F13A1: variants seen among roughly 807,000 people sequenced by gnomAD.
F13A1 encodes the protein coagulation factor XIII A chain.
Under a neutral mutation model 80.1 loss-of-function variants are expected in F13A1, and 47 were observed. That is an observed-to-expected ratio of 0.59 (90% CI 0.46 to 0.75). F13A1 has a LOEUF of 0.75. F13A1 is among the 30% of genes least tolerant of loss of function. F13A1 has a pLI of 0.00. For missense variants in F13A1, 817 were observed against 930.4 expected, an observed-to-expected ratio of 0.88 and a Z score of 1.59; for synonymous variants, 349 against 344.9, an observed-to-expected ratio of 1.01 and a Z score of -0.13.
At chr6:6,178,050 G>T (rs891781224) in intron 11 of F13A1, among the ~76,000 whole-genome samples, 9 of 136,584 alleles carry the variant, frequency 6.6e-5, no homozygotes, top group South Asian at 5.4e-4. Flanking sequence ...GGAGAGGGGG[G>T]GGGGGGTGGG....
intron 10 of F13A1, among the ~76,000 whole-genome samples, chr6:6,184,818 G>A (rs1761049885): frequency 6.6e-6 from 1 of 152,158 alleles, no homozygotes; most frequent in East Asian, 1.9e-4. Context: ...ACTGTCCTTT[G>A]CGGAGAGAGG....
chr6:6,183,627 A>C (rs533992262), intron 10 of F13A1, among the ~76,000 whole-genome samples: 27 of 152,334 alleles, frequency 1.8e-4, no homozygotes, highest in African/African-American at 5.3e-4. Context: ...GCCCTGCAAT[A>C]CAGTGCGATA....
intron 4 of F13A1, among the ~76,000 whole-genome samples, chr6:6,257,272 G>A (rs1045829654): frequency 6.6e-6 from 1 of 152,170 alleles, no homozygotes; most frequent in Non-Finnish European, 1.5e-5. Context: ...AACAGGCTGT[G>A]TGTGCTGTGG....
chr6:6,149,320 C>T (rs1760332997), intron 14 of F13A1, among the ~76,000 whole-genome samples: 1 of 152,048 alleles, frequency 6.6e-6, no homozygotes, highest in Non-Finnish European at 1.5e-5. Flanking sequence ...CATCAAATTG[C>T]CCCACATAAA....
At position 6,199,396 on chromosome 6, in the gene F13A1, A is replaced by G. The variant is rs368293124; in HGVS notation, c.1113-2070T>C. Among the ~76,000 whole-genome samples the G allele has an allele frequency of 5.9e-5, 9 of 152,054 alleles. No homozygotes were observed. The East Asian group carries it at 7.7e-4, about 13-fold the overall frequency. ...TCCCAGCTACTCGGGAGGCTGAGGC[A>G]GGAGAATGGCGTGAACCCGGGAGGC... is the stretch of plus-strand genomic sequence containing the variant. On this transcript the variant is annotated intron_variant, in intron 8 of 14. Transcript: ENST00000264870.
At chr6:6,178,422 CATTCTT>C (rs1156937409) in intron 11 of F13A1, among the ~76,000 whole-genome samples, 1 of 152,142 alleles carries the variant, frequency 6.6e-6, no homozygotes, top group Non-Finnish European at 1.5e-5. Flanking sequence ...TTGCTTAACT[CATTCTT>C]AAGTAGCTAA....
At chr6:6,273,093 A>G (rs1358799156) in intron 3 of F13A1, among the ~76,000 whole-genome samples, 1 of 152,182 alleles carries the variant, frequency 6.6e-6, no homozygotes, top group East Asian at 1.9e-4. Context: ...TCCTTCCTGC[A>G]TGAGATCCAA....
intron 8 of F13A1, among the ~76,000 whole-genome samples, chr6:6,200,704 C>T (rs1489911933): frequency 6.6e-6 from 1 of 152,028 alleles, no homozygotes; most frequent in Non-Finnish European, 1.5e-5. Flanking sequence ...AAGGTAGAGA[C>T]AGTGGGAATA....
chr6:6,292,746 G>T (rs75853124), intron 3 of F13A1, among the ~76,000 whole-genome samples: 7,144 of 152,290 alleles, frequency 0.047, 209 homozygotes, highest in Middle Eastern at 0.11. Flanking sequence ...TGCTTGAGCG[G>T]GTGATGAACA....
chr6:6,222,441 C>A (rs561540641), intron 7 of F13A1, among the ~76,000 whole-genome samples: 1 of 152,168 alleles, frequency 6.6e-6, no homozygotes, highest in South Asian at 2.1e-4. Flanking sequence ...CTAATTGTTT[C>A]GTTTCTAAGC....
chr6:6,196,196 G>T (rs1761288044), intron 9 of F13A1, among the ~76,000 whole-genome samples: 2 of 152,238 alleles, frequency 1.3e-5, no homozygotes, highest in African/African-American at 4.8e-5. Context: ...TGTTCAGGTG[G>T]TATCTGAAAT....
At chr6:6,183,317 T>C (rs764456983) in intron 10 of F13A1, among the ~76,000 whole-genome samples, 1 of 152,226 alleles carries the variant, frequency 6.6e-6, no homozygotes, top group African/African-American at 2.4e-5. Context: ...ACATTACTTA[T>C]CATAGTGTCT....
At chr6:6,222,225 A>G in intron 7 of F13A1, 54 bp from the exon 8 acceptor site, 1 of 1,611,444 alleles carries the variant, frequency 6.2e-7, no homozygotes, top group Non-Finnish European at 8.5e-7. Context: ...TAATAAACAC[A>G]GAGTGAAAAA....
intron 10 of F13A1, among the ~76,000 whole-genome samples, chr6:6,190,791 G>C (rs1442164033): frequency 6.6e-6 from 1 of 152,134 alleles, no homozygotes; most frequent in African/African-American, 2.4e-5. Flanking sequence ...ACCTAAGCAA[G>C]CCTGGGCAAT....
chr6:6,166,280 G>A (rs1241686880), intron 13 of F13A1, among the ~76,000 whole-genome samples: 4 of 152,218 alleles, frequency 2.6e-5, no homozygotes, highest in African/African-American at 7.2e-5. Flanking sequence ...TAAGAACAGC[G>A]TCTGGAGCCC....
Position 6,182,020 on chromosome 6 carries a change from A to C in F13A1, c.1427T>G (p.Met476Arg), listed in dbSNP as rs375123237. 6.2e-7 allele frequency: 1 copy of C among 1,614,194 alleles called. No homozygotes were observed. The highest frequency in any genetic ancestry group is 8.5e-7 in the Non-Finnish European group (1 of 1,180,030). Residue 476 changes from methionine (M) to arginine (R), a missense_variant, in exon 11 of 15, where the codon ATG becomes AGG. Physicochemically the swap from Met to Arg is moderately conservative, Grantham distance 91 (BLOSUM62 -1). Transcript: ENST00000264870. ...GAATTTGTAAGTATCAGTAATATCC[A>C]TCATGCCATCTCCTCCAATTTGTTT... The part of the protein sequence containing the change: ...VTKQIGGDGM[M>R]DITDTYKFQE...
chr6:6,149,432 C>T (rs1342236191), intron 14 of F13A1, among the ~76,000 whole-genome samples: 2 of 152,152 alleles, frequency 1.3e-5, no homozygotes, highest in African/African-American at 2.4e-5. Context: ...TTTGTTGAAA[C>T]CCAAACTCCA....
chr6:6,245,434 G>C (rs1247486835), intron 6 of F13A1, among the ~76,000 whole-genome samples: 1 of 152,176 alleles, frequency 6.6e-6, no homozygotes, highest in African/African-American at 2.4e-5. Context: ...ATGTTGGTCA[G>C]GCTGGTCTTG....
intron 3 of F13A1, among the ~76,000 whole-genome samples, chr6:6,282,750 G>A (rs899876572): frequency 7.2e-5 from 11 of 152,174 alleles, no homozygotes; most frequent in Non-Finnish European, 1.0e-4. Context: ...CATTCCAGGG[G>A]TGGCTCACAT....
Sources: gnomAD v4.1 joint callset for allele counts (sites outside exome capture counted in the v4.1 genomes callset) on GRCh38, gnomAD v4.1.1 for gene constraint, MANE v1.5 for transcripts, NCBI Gene and HGNC (gene_info 2026-07-23, HGNC 2026-07-21) for gene names.